The following SDF2 variants were observed in gnomAD, a reference collection of about 807,000 sequenced individuals.
The protein encoded by SDF2 is stromal cell derived factor 2, also known as stromal cell-derived factor 2.
In SDF2, 12 loss-of-function variants were observed where a neutral mutation model predicts 20.5. The ratio of observed to expected loss-of-function variants is 0.58; its 90% CI spans 0.37 to 0.95. The LOEUF is 0.95. Among genes scored for constraint, SDF2 ranks in the 40% least tolerant of loss-of-function variants. The pLI is 0.01. For missense variants in SDF2, 238 were observed against 263.1 expected, an observed-to-expected ratio of 0.90 and a Z score of 0.66; for synonymous variants, 100 against 101.0, an observed-to-expected ratio of 0.99 and a Z score of 0.06.
rs1448072426 is a variant in SDF2, at chr17:28,661,769, G to A, written c.108C>T (p.Arg36=). Residue 36 remains arginine, a synonymous_variant, in exon 1 of 3, where the codon CGC becomes CGT. Coordinates refer to ENST00000247020, the MANE Select transcript of SDF2 (RefSeq NM_006923.4). ...CGTGTGAGTGCAGTCGGACGTTGTGGCGCGTATTGAGTAGCTTCACCACGG... is the reference window on the plus strand; with the variant it reads ...CGTGTGAGTGCAGTCGGACGTTGTGACGCGTATTGAGTAGCTTCACCACGG... ...CGSVVKLLNT[R]HNVRLHSHDV... 1.2e-6 allele frequency: 2 copies of A among 1,613,982 alleles called. No homozygotes were observed. Among genetic ancestry groups the A allele is most frequent in the African/African-American group, 1.3e-5 (1 of 74,900 alleles).
chr17:28,655,608 C>T (rs956737896), intron 1 of SDF2, 125 bp from the exon 2 acceptor site: 37 of 806,306 alleles, frequency 4.6e-5, no homozygotes, highest in African/African-American at 1.7e-4. Flanking sequence ...AAGGAAGACA[C>T]GCTGCTGGAG....
In SDF2 at chr17:28,655,381, G is replaced by A. The variant is rs2071952749; in HGVS notation, c.254C>T (p.Pro85Leu). The stretch of plus-strand genomic sequence containing the variant: ...CCGGATGGGCTGGCCACACTTGATG[G>A]GGGTTCCCCTCTCACACACTGTGGC... Reference protein sequence around the residue: ...KSATVCERGTPIKCGQPIRLT... With the variant: ...KSATVCERGTLIKCGQPIRLT... Residue 85 changes from proline (P) to leucine (L), a missense_variant, in exon 2 of 3, where the codon CCC becomes CTC. By Grantham distance (98) the Pro-to-Leu change is moderately conservative (BLOSUM62 -3). Transcript: ENST00000247020. 1 of 1,614,098 alleles carries A rather than the reference G, an allele frequency of 6.2e-7. No homozygotes were observed. The highest frequency in any genetic ancestry group is 1.7e-5 in the Admixed American group (1 of 60,010).
At chr17:28,656,781 C>G (rs1175818832) in intron 1 of SDF2, among the ~76,000 whole-genome samples, 2 of 152,152 alleles carry the variant, frequency 1.3e-5, no homozygotes, top group Non-Finnish European at 2.9e-5. Flanking sequence ...CCTAATGTGT[C>G]TAATCACATA....
chr17:28,655,627 G>C (rs1024264811), intron 1 of SDF2, 144 bp from the exon 2 acceptor site: 4 of 723,360 alleles, frequency 5.5e-6, no homozygotes, highest in Non-Finnish European at 7.1e-6. Flanking sequence ...AGGTGTAATG[G>C]ATATTAATAC....
upstream of SDF2, chr17:28,662,036 G>A (rs1160515336): frequency 5.3e-6 from 4 of 760,464 alleles, no homozygotes; most frequent in African/African-American, 3.5e-5. Context: ...GGCTGAGCCT[G>A]GTTACTTACG....
upstream of SDF2, chr17:28,661,914 A>G: frequency 6.3e-7 from 1 of 1,580,456 alleles, no homozygotes; most frequent in Non-Finnish European, 8.7e-7. Context: ...TTCGAAGAAA[A>G]CTCGGCCCCT....
chr17:28,659,653 C>T (rs1270134896), intron 1 of SDF2, among the ~76,000 whole-genome samples: 1 of 144,782 alleles, frequency 6.9e-6, no homozygotes, highest in Admixed American at 6.9e-5. Flanking sequence ...GGCGGCCAGG[C>T]AGAGACGCTC....
intron 2 of SDF2, among the ~76,000 whole-genome samples, 177 bp downstream of exon 2, chr17:28,655,110 C>CA (rs1400355990): frequency 6.6e-6 from 1 of 152,222 alleles, no homozygotes; most frequent in African/African-American, 2.4e-5. Flanking sequence ...GCCTGGGTGA[C>CA]AGAGTGAGAC....
At chr17:28,657,471 C>T (rs977904157) in intron 1 of SDF2, among the ~76,000 whole-genome samples, 2 of 151,874 alleles carry the variant, frequency 1.3e-5, no homozygotes, top group African/African-American at 2.4e-5. Context: ...GATCACAGCT[C>T]GCCACAGCCT....
chr17:28,661,943 A>G, upstream of SDF2: 2 of 1,546,662 alleles, frequency 1.3e-6, no homozygotes, highest in Non-Finnish European at 1.8e-6. Flanking sequence ...CCGGAAGCTA[A>G]TGGCGAAACC....
chr17:28,650,803 CAA>C (rs57928087), intron 2 of SDF2, among the ~76,000 whole-genome samples: 2 of 19,080 alleles, frequency 1.0e-4, no homozygotes, highest in Admixed American at 6.0e-4. Flanking sequence ...GACTTTGTCT[CAA>C]AAAAAAAAAA....
At chr17:28,653,300 T>C (rs1424559123) in intron 2 of SDF2, among the ~76,000 whole-genome samples, 1 of 152,208 alleles carries the variant, frequency 6.6e-6, no homozygotes, top group Non-Finnish European at 1.5e-5. Context: ...TTTACCTCTG[T>C]GATCTTCCTC....
chr17:28,654,159 C>G (rs2071936297), intron 2 of SDF2, among the ~76,000 whole-genome samples: 1 of 151,856 alleles, frequency 6.6e-6, no homozygotes, highest in African/African-American at 2.4e-5. Context: ...AAAAAAAATA[C>G]AAAAATTAGC....
chr17:28,660,945 T>C (rs940897979), intron 1 of SDF2: 6 of 169,518 alleles, frequency 3.5e-5, no homozygotes, highest in South Asian at 3.1e-4. Context: ...TTTTATTATA[T>C]TGTAATTTTC....
intron 1 of SDF2, among the ~76,000 whole-genome samples, chr17:28,658,403 G>A (rs912843504): frequency 4.6e-5 from 7 of 152,172 alleles, no homozygotes; most frequent in African/African-American, 1.2e-4. Context: ...AGGTCCCTGC[G>A]GCCTTCCGCA....
chr17:28,653,160 G>GA (rs1220661220), intron 2 of SDF2, among the ~76,000 whole-genome samples: 1 of 152,140 alleles, frequency 6.6e-6, no homozygotes, highest in Non-Finnish European at 1.5e-5. Context: ...GGGGGAAAAT[G>GA]AAAAGAATAA....
intron 1 of SDF2, 115 bp downstream of exon 1, chr17:28,661,611 C>G: frequency 8.6e-7 from 1 of 1,158,784 alleles, no homozygotes; most frequent in African/African-American, 1.5e-5. Context: ...CCTGAGGAAC[C>G]TTCCCAGGGA....
chr17:28,659,655 G>A (rs1242686799), intron 1 of SDF2, among the ~76,000 whole-genome samples: 1 of 149,146 alleles, frequency 6.7e-6, no homozygotes, highest in Non-Finnish European at 1.5e-5. Flanking sequence ...CGGCCAGGCA[G>A]AGACGCTCCT....
intron 2 of SDF2, among the ~76,000 whole-genome samples, chr17:28,651,229 T>A (rs1000191219): frequency 6.6e-6 from 1 of 152,142 alleles, no homozygotes; most frequent in Non-Finnish European, 1.5e-5. Context: ...ACCCAGCTAA[T>A]TTTGGTATTT....
Sources: gnomAD v4.1 joint callset for allele counts (sites outside exome capture counted in the v4.1 genomes callset) on GRCh38, gnomAD v4.1.1 for gene constraint, MANE v1.5 for transcripts, NCBI Gene and HGNC (gene_info 2026-07-23, HGNC 2026-07-21) for gene names.